ARB2A: variants seen among roughly 807,000 people sequenced by gnomAD.
The protein encoded by ARB2A is ARB2 cotranscriptional regulator A.
At chr5:93,762,393 A>C in the ARB2A span, among the ~76,000 whole-genome samples, 1 of 152,254 alleles carries the variant, frequency 6.6e-6, no homozygotes, top group Non-Finnish European at 1.5e-5. Context: ...CATGAGAACT[A>C]CGTGACGAAT....
At chr5:93,715,784 A>C in the ARB2A span, among the ~76,000 whole-genome samples, 15 of 152,170 alleles carry the variant, frequency 9.9e-5, no homozygotes, top group Admixed American at 7.9e-4. Context: ...ATGTAGAGAA[A>C]ATTTTGAAAA....
At chr5:94,111,130 C>A in the ARB2A span, among the ~76,000 whole-genome samples, 5 of 152,192 alleles carry the variant, frequency 3.3e-5, no homozygotes, top group Non-Finnish European at 7.4e-5. Context: ...TCTGGTAAAG[C>A]GCTGGCAGTT....
At chr5:93,888,874 C>A in the ARB2A span, among the ~76,000 whole-genome samples, 2 of 151,644 alleles carry the variant, frequency 1.3e-5, no homozygotes, top group African/African-American at 4.8e-5. Flanking sequence ...ACGAAGAATT[C>A]TATTCATTCA....
At chr5:93,835,996 C>T in the ARB2A span, among the ~76,000 whole-genome samples, 1 of 152,172 alleles carries the variant, frequency 6.6e-6, no homozygotes, top group Non-Finnish European at 1.5e-5. Flanking sequence ...CCATCTTGTA[C>T]TCAACCAATC....
At chr5:93,993,798 C>T in the ARB2A span, among the ~76,000 whole-genome samples, 12 of 150,130 alleles carry the variant, frequency 8.0e-5, no homozygotes, top group African/African-American at 2.7e-4. Context: ...TCACAAGAGA[C>T]AATATATATT....
chr5:93,823,731 C>T, the ARB2A span, among the ~76,000 whole-genome samples: 248 of 152,082 alleles, frequency 1.6e-3, 2 homozygotes, highest in African/African-American at 5.0e-3. Context: ...CTGAGGCAGG[C>T]GGATGACGAG....
chr5:93,634,355 G>A, the ARB2A span, among the ~76,000 whole-genome samples: 5 of 151,720 alleles, frequency 3.3e-5, no homozygotes, highest in South Asian at 6.3e-4. Context: ...AGCCGAGATC[G>A]CGCCATGGCA....
the ARB2A span, among the ~76,000 whole-genome samples, chr5:94,031,920 C>T: frequency 1.3e-5 from 2 of 152,214 alleles, no homozygotes; most frequent in East Asian, 1.9e-4. Flanking sequence ...ACTTGTGCTG[C>T]TGCTCTCAAA....
At chr5:93,731,323 T>C in the ARB2A span, among the ~76,000 whole-genome samples, 2 of 152,024 alleles carry the variant, frequency 1.3e-5, no homozygotes, top group African/African-American at 2.4e-5. Flanking sequence ...CACATACATA[T>C]ACAGAAGGAA....
chr5:93,639,107 T>C, the ARB2A span, among the ~76,000 whole-genome samples: 2 of 152,230 alleles, frequency 1.3e-5, no homozygotes, highest in Non-Finnish European at 2.9e-5. Context: ...TCAATTATTA[T>C]GAACAACGTA....
At chr5:93,645,069 G>C in the ARB2A span, among the ~76,000 whole-genome samples, 2 of 152,096 alleles carry the variant, frequency 1.3e-5, no homozygotes, top group African/African-American at 4.8e-5. Flanking sequence ...TCCTAAACAT[G>C]AGGTTTCTGT....
the ARB2A span, among the ~76,000 whole-genome samples, chr5:93,741,863 G>A: frequency 6.6e-6 from 1 of 151,778 alleles, no homozygotes; most frequent in Non-Finnish European, 1.5e-5. Flanking sequence ...TCCATCCCCT[G>A]CCTGAATAGA....
At chr5:93,862,384 T>C in the ARB2A span, 1 of 152,144 alleles carries the variant, frequency 6.6e-6, no homozygotes, top group Admixed American at 6.5e-5. Flanking sequence ...AACAGAAAAA[T>C]GAACCAGAGA....
At chr5:94,049,925 T>G in the ARB2A span, among the ~76,000 whole-genome samples, 2 of 152,188 alleles carry the variant, frequency 1.3e-5, no homozygotes, top group African/African-American at 4.8e-5. Flanking sequence ...AGTATAAGTT[T>G]GTGTAAAAAC....
the ARB2A span, among the ~76,000 whole-genome samples, chr5:93,686,832 A>G: frequency 1.3e-5 from 2 of 152,048 alleles, no homozygotes; most frequent in African/African-American, 4.8e-5. Flanking sequence ...CAACTCTCCA[A>G]ATGTTATCAT....
chr5:94,039,072 T>C, the ARB2A span, among the ~76,000 whole-genome samples: 1 of 152,238 alleles, frequency 6.6e-6, no homozygotes, highest in Non-Finnish European at 1.5e-5. Flanking sequence ...CATAAAGTAC[T>C]AAATTATTTC....
the ARB2A span, chr5:93,619,417 A>C: frequency 6.6e-6 from 1 of 152,228 alleles, no homozygotes; most frequent in Non-Finnish European, 1.5e-5. Flanking sequence ...CACAGCAATG[A>C]GATATTAACA....
the ARB2A span, among the ~76,000 whole-genome samples, chr5:94,085,096 G>GA: frequency 6.6e-6 from 1 of 152,098 alleles, no homozygotes; most frequent in African/African-American, 2.4e-5. Flanking sequence ...AACTACTCTG[G>GA]AAAAAACTAG....
At chr5:94,055,253 A>T in the ARB2A span, among the ~76,000 whole-genome samples, 1 of 152,200 alleles carries the variant, frequency 6.6e-6, no homozygotes, top group South Asian at 2.1e-4. Flanking sequence ...TTCTAACTCA[A>T]GTTCCTGAAG....
Sources: gnomAD v4.1 joint callset for allele counts (sites outside exome capture counted in the v4.1 genomes callset) on GRCh38, gnomAD v4.1.1 for gene constraint, MANE v1.5 for transcripts, NCBI Gene and HGNC (gene_info 2026-07-23, HGNC 2026-07-21) for gene names.